Variants in KLF15 observed in about 807,000 individuals in gnomAD.
KLF15 encodes Krueppel-like factor 15.
Under a neutral mutation model 24.6 loss-of-function variants are expected in KLF15, and 4 were observed. That is an observed-to-expected ratio of 0.16 (90% confidence interval 0.08 to 0.37). The LOEUF (loss-of-function observed/expected upper bound fraction) is 0.37, where lower values mean the gene tolerates loss of function less well. Ranked by LOEUF, KLF15 falls within the 10% of genes least tolerant of loss-of-function variation. The pLI, the probability that KLF15 is intolerant of heterozygous loss-of-function variation, is 1.00. For synonymous variants in KLF15, 246 were observed against 236.3 expected (o/e 1.04, Z -0.37); for missense variants, 496 against 560.6 (o/e 0.88, Z 1.16).
the KLF15 span, among the ~76,000 whole-genome samples, chr3:126,319,488 G>C: frequency 1.3e-5 from 2 of 152,236 alleles, no homozygotes; most frequent in African/African-American, 2.4e-5. Flanking sequence ...CAGGCATGTG[G>C]AGGTAGCTCG....
At chr3:126,335,487 G>A in the KLF15 span, among the ~76,000 whole-genome samples, 43 of 148,526 alleles carry the variant, frequency 2.9e-4, no homozygotes, top group Admixed American at 2.7e-4. Context: ...GGCAAAAACT[G>A]GAAGCATTCC....
the KLF15 span, among the ~76,000 whole-genome samples, chr3:126,318,208 C>G: frequency 6.6e-6 from 1 of 152,206 alleles, no homozygotes; most frequent in Non-Finnish European, 1.5e-5. Flanking sequence ...TCTGAGGACT[C>G]ACCTCATACA....
At chr3:126,292,066 G>C in the KLF15 span, among the ~76,000 whole-genome samples, 1 of 152,150 alleles carries the variant, frequency 6.6e-6, no homozygotes, top group African/African-American at 2.4e-5. Flanking sequence ...ATTCATTCCA[G>C]TCCCCAAGGC....
chr3:126,340,517 T>C (rs1356855868), downstream of KLF15, among the ~76,000 whole-genome samples: 1 of 152,226 alleles, frequency 6.6e-6, no homozygotes, highest in Non-Finnish European at 1.5e-5. Context: ...AACTGCTATG[T>C]TGTTTAAGCC....
chr3:126,301,228 A>T, the KLF15 span, among the ~76,000 whole-genome samples: 2 of 151,340 alleles, frequency 1.3e-5, no homozygotes, highest in East Asian at 3.9e-4. Flanking sequence ...GCCAGGGCCC[A>T]TGAGCACAAG....
At chr3:126,301,929 C>T in the KLF15 span, among the ~76,000 whole-genome samples, 4 of 149,782 alleles carry the variant, frequency 2.7e-5, no homozygotes, top group East Asian at 3.9e-4. Flanking sequence ...TTTATTTAAA[C>T]GTAATTTGCT....
the KLF15 span, among the ~76,000 whole-genome samples, chr3:126,315,499 A>T: frequency 7.1e-3 from 1,081 of 152,166 alleles, 13 homozygotes; most frequent in African/African-American, 0.025. Flanking sequence ...TGGAGCAGGG[A>T]AGTTCCCAGA....
intron 2 of KLF15, among the ~76,000 whole-genome samples, chr3:126,346,904 C>T (rs1387953160): frequency 2.0e-5 from 3 of 152,172 alleles, no homozygotes; most frequent in African/African-American, 7.2e-5. Flanking sequence ...GTTTCTCTAC[C>T]CAGACAAAGG....
chr3:126,330,584 A>G, the KLF15 span, among the ~76,000 whole-genome samples: 1 of 151,844 alleles, frequency 6.6e-6, no homozygotes, highest in South Asian at 2.1e-4. Context: ...GCAAATAATA[A>G]GTTGTGTTTG....
intron 2 of KLF15, among the ~76,000 whole-genome samples, chr3:126,348,639 C>A (rs917778105): frequency 6.6e-6 from 1 of 152,186 alleles, no homozygotes; most frequent in East Asian, 1.9e-4. Context: ...TGAGCTAATG[C>A]GAAAACCTTA....
rs577156627 is a variant in KLF15 at position 126,352,604 on chromosome 3, G to T, written c.319C>A (p.Pro107Thr). Reference sequence around the variant, plus strand: ...ACAGGGGCCGCTGCCCTTCGCCAGGGCCCCCAGGCCACGGGGCCACTGCTG... The same window carrying T: ...ACAGGGGCCGCTGCCCTTCGCCAGGTCCCCCAGGCCACGGGGCCACTGCTG... The part of the protein sequence containing the change: ...GASSGPVAWG[P>T]WRRAAAPVKG... The change falls in exon 2 of 3, where the codon CCC becomes ACC. Residue 107 changes from proline (P) to threonine (T), a missense_variant. Transcript: ENST00000296233. 35 of 1,610,106 alleles carry T rather than the reference G, an allele frequency of 2.2e-5. No individual in the cohort carries two copies. In the Admixed American group the frequency reaches 2.3e-4, roughly 11 times the overall value.
chr3:126,338,438 T>C (rs1476879452), downstream of KLF15, among the ~76,000 whole-genome samples: 2 of 152,246 alleles, frequency 1.3e-5, no homozygotes, highest in African/African-American at 4.8e-5. Flanking sequence ...CAGAGCCCTC[T>C]GGGGATAGCT....
chr3:126,302,508 G>A, the KLF15 span, among the ~76,000 whole-genome samples: 1 of 152,074 alleles, frequency 6.6e-6, no homozygotes, highest in African/African-American at 2.4e-5. Flanking sequence ...TATGATTGTA[G>A]ATTTATCTAT....
the KLF15 span, among the ~76,000 whole-genome samples, chr3:126,337,262 T>C: frequency 5.0e-4 from 68 of 135,724 alleles, no homozygotes; most frequent in Middle Eastern, 3.4e-3. Context: ...AATGATGAGT[T>C]CGTGTCCTTT....
At chr3:126,339,035 C>T (rs1220565664), downstream of KLF15, among the ~76,000 whole-genome samples, 1 of 152,166 alleles carries the variant, frequency 6.6e-6, no homozygotes, top group African/African-American at 2.4e-5. Context: ...GCCAGGATGG[C>T]TTGGAGAGCA....
chr3:126,347,052 T>C (rs1448672241), intron 2 of KLF15, among the ~76,000 whole-genome samples: 3 of 152,206 alleles, frequency 2.0e-5, no homozygotes, highest in Non-Finnish European at 4.4e-5. Context: ...GTGTTGGGCC[T>C]GGTTCCTGGT....
the KLF15 span, among the ~76,000 whole-genome samples, chr3:126,323,668 C>T: frequency 2.9e-5 from 4 of 136,136 alleles, no homozygotes; most frequent in Admixed American, 1.5e-4. Context: ...CCCCCACCCC[C>T]CAACAGGCAC....
In KLF15 at chr3:126,352,593, C is replaced by A; in HGVS notation, c.330G>T (p.Arg110Ser). ...GCTCCCCCTTCACAGGGGCCGCTGC[C>A]CTTCGCCAGGGCCCCCAGGCCACGG... The part of the protein sequence containing the change: ...SGPVAWGPWR[R>S]AAAPVKGEHF... The change falls in exon 2 of 3, where the codon AGG becomes AGT. Residue 110 changes from arginine (R) to serine (S), a missense_variant. By Grantham distance (110) the Arg-to-Ser change is moderately radical (BLOSUM62 -1). Around this residue, in one of 3 missense-constraint regions of KLF15, gnomAD observed 399 missense variants for 423.1 expected, o/e 0.94. Transcript: ENST00000296233. 6.2e-7 allele frequency: 1 copy of A among 1,611,750 alleles called. No homozygotes were observed. Among genetic ancestry groups the A allele is most frequent in the Non-Finnish European group, 8.5e-7 (1 of 1,179,618 alleles).
chr3:126,338,508 T>C (rs1018059525), downstream of KLF15, among the ~76,000 whole-genome samples: 5 of 152,214 alleles, frequency 3.3e-5, no homozygotes, highest in East Asian at 1.9e-4. Context: ...CTTCATTTCA[T>C]GCGTAATGCA....
Sources: gnomAD v4.1 joint callset for allele counts (sites outside exome capture counted in the v4.1 genomes callset) on GRCh38, gnomAD v4.1.1 for gene constraint, gnomAD v4.1.1 regional missense constraint, MANE v1.5 for transcripts, NCBI Gene and HGNC (gene_info 2026-07-23, HGNC 2026-07-21) for gene names.